The following STAG2 variants were observed in gnomAD, a reference collection of about 807,000 sequenced individuals.
STAG2 encodes the protein STAG2 cohesin complex component, also known as cohesin subunit SA-2.
Under a neutral mutation model 108.1 loss-of-function variants are expected in STAG2, and 14 were observed. The observed-to-expected ratio is 0.13, with a 90% CI of 0.09 to 0.20. STAG2 has a LOEUF of 0.20. STAG2 is among the 10% of genes least tolerant of loss of function. STAG2 has a pLI of 1.00. For missense variants in STAG2, 440 were observed against 940.9 expected (o/e 0.47, Z 6.96); for synonymous variants, 307 against 302.7 (o/e 1.01, Z -0.15).
At chrX:124,055,676 ACAT>A (rs1175510502) in intron 13 of STAG2, among the ~76,000 whole-genome samples, 1 of 80,256 alleles carries the variant, frequency 1.2e-5, no homozygotes, top group Non-Finnish European at 2.5e-5. Context: ...GGTGTTCAGT[ACAT>A]GGTGGATGAA....
rs2148490075 is a variant in STAG2, at chrX:124,090,927, A to G, written c.3541A>G (p.Ser1181Gly). 8.3e-7 allele frequency: 1 copy of G among 1,210,267 alleles called. No homozygotes were observed. The highest frequency in any genetic ancestry group is 1.1e-6 in the Non-Finnish European group (1 of 894,339). The change falls in exon 32 of 35, where the codon AGC (serine) becomes GGC (glycine). Residue 1181 changes from serine (S) to glycine (G), a missense_variant. Ser to Gly is a moderately conservative substitution (Grantham distance 56, BLOSUM62 0). Transcript: ENST00000371145. ...GCAACAGCAGGAGAGAGCAGCAATG[A>G]GCTATGTTAAACTGCGAACTAATCT... ...ARQQQERAAM[S>G]YVKLRTNLQH...
intron 1 of STAG2, among the ~76,000 whole-genome samples, chrX:124,006,245 C>T (rs1232519895): frequency 5.4e-5 from 6 of 110,573 alleles, no homozygotes; most frequent in Middle Eastern, 4.7e-3. Context: ...CATGTTTTTA[C>T]GTAGACATAG....
chrX:124,064,768 A>C (rs1044892179), intron 20 of STAG2, among the ~76,000 whole-genome samples: 1 of 111,165 alleles, frequency 9.0e-6, no homozygotes. Flanking sequence ...TAAAACTTTA[A>C]TAAGTTATTA....
At chrX:124,052,207 A>AT (rs776064390) in intron 13 of STAG2, among the ~76,000 whole-genome samples, 1 of 111,952 alleles carries the variant, frequency 8.9e-6, no homozygotes, top group East Asian at 2.8e-4. Context: ...CATTTTAACC[A>AT]TTTTAAAGTA....
chrX:124,045,092 G>T, intron 7 of STAG2, 72 bp from the exon 8 acceptor site: 1 of 899,148 alleles, frequency 1.1e-6, no homozygotes, highest in Non-Finnish European at 1.6e-6. Context: ...TTTGTCTAGG[G>T]TATTTCAAAA....
intron 27 of STAG2, among the ~76,000 whole-genome samples, chrX:124,078,895 G>A (rs1055286285): frequency 9.2e-6 from 1 of 108,732 alleles, no homozygotes; most frequent in East Asian, 3.0e-4. Flanking sequence ...CTTGAACCTC[G>A]TAGGTGGAGG....
chrX:124,050,169 T>C lies in STAG2; in HGVS notation c.894-17T>C. On this transcript the variant is annotated splice_polypyrimidine_tract_variant and intron_variant, in intron 10 of 34. Transcript: ENST00000371145. ...TATTGGCACTAATTATGCATCGTTT[T>C]TCCTTCCCCCATTCAGTGATGCGAT... 8.3e-7 allele frequency: 1 copy of C among 1,206,411 alleles called. No individual in the cohort carries two copies. The highest frequency in any genetic ancestry group is 1.1e-6 in the Non-Finnish European group (1 of 893,092).
intron 30 of STAG2, among the ~76,000 whole-genome samples, chrX:124,087,860 G>T (rs2059144595): frequency 8.9e-6 from 1 of 111,859 alleles, no homozygotes; most frequent in African/African-American, 3.3e-5. Context: ...AAACTTGATT[G>T]TCCTATGAAT....
chrX:123,995,300 G>T (rs892137580), intron 1 of STAG2, among the ~76,000 whole-genome samples: 1 of 112,098 alleles, frequency 8.9e-6, no homozygotes, highest in African/African-American at 3.2e-5. Flanking sequence ...CAACGAATCC[G>T]TTTTAGCAGG....
chrX:124,018,495 C>CGGAT (rs1224358321), intron 1 of STAG2, among the ~76,000 whole-genome samples: 9 of 109,870 alleles, frequency 8.2e-5, no homozygotes, highest in Admixed American at 3.9e-4. Context: ...GACAGACGGA[C>CGGAT]GGATGGATGG....
At chrX:124,054,481 T>C (rs573162212) in intron 13 of STAG2, among the ~76,000 whole-genome samples, 2 of 112,046 alleles carry the variant, frequency 1.8e-5, no homozygotes, top group African/African-American at 6.5e-5. Context: ...AAATCATAAA[T>C]GTTATACACA....
chrX:123,983,980 T>C (rs777760777), intron 1 of STAG2, among the ~76,000 whole-genome samples: 70 of 65,971 alleles, frequency 1.1e-3, no homozygotes, highest in African/African-American at 3.4e-3. Flanking sequence ...TTTTCTTTTT[T>C]TTTTTTTTTT....
intron 25 of STAG2, among the ~76,000 whole-genome samples, chrX:124,073,725 A>G (rs2148392252): frequency 8.9e-6 from 1 of 111,746 alleles, no homozygotes; most frequent in East Asian, 2.8e-4. Context: ...ACCTGGCACT[A>G]TTTTCACTTT....
At chrX:124,085,792 AAAAAG>A (rs2059089527) in intron 29 of STAG2, among the ~76,000 whole-genome samples, 1 of 109,093 alleles carries the variant, frequency 9.2e-6, no homozygotes, top group Non-Finnish European at 1.9e-5. Context: ...AAAAAAAAAA[AAAAAG>A]AGAAAGGCAC....
chrX:124,095,564 G>A (rs1246355008), intron 34 of STAG2, 115 bp downstream of exon 34: 2 of 548,936 alleles, frequency 3.6e-6, no homozygotes, highest in Non-Finnish European at 6.1e-6. Context: ...ACAGCTGGAT[G>A]TGAGAAAAAG....
At chrX:124,012,812 G>A (rs1448305578) in intron 1 of STAG2, among the ~76,000 whole-genome samples, 1 of 111,558 alleles carries the variant, frequency 9.0e-6, no homozygotes, top group African/African-American at 3.3e-5. Flanking sequence ...CTACTGAATT[G>A]TTTTTTGGCT....
intron 1 of STAG2, among the ~76,000 whole-genome samples, chrX:123,981,703 A>G (rs1167552795): frequency 3.6e-5 from 4 of 111,324 alleles, no homozygotes; most frequent in African/African-American, 1.3e-4. Context: ...TTGCTCCACA[A>G]ATATTTGAGT....
intron 34 of STAG2, chrX:124,097,690 G>A (rs2059418502): frequency 2.9e-6 from 1 of 342,057 alleles, no homozygotes; most frequent in South Asian, 2.6e-5. Flanking sequence ...TGTGAGAAAG[G>A]TAATGGGAAT....
chrX:124,089,253 C>T (rs1353125896), intron 30 of STAG2, among the ~76,000 whole-genome samples: 1 of 111,779 alleles, frequency 8.9e-6, no homozygotes, highest in Non-Finnish European at 1.9e-5. Context: ...TCTAAATTCA[C>T]AATCAAAAAG....
Sources: allele counts gnomAD v4.1 joint callset (sites outside exome capture counted in the v4.1 genomes callset), GRCh38; gene constraint gnomAD v4.1.1; transcripts MANE v1.5; gene names NCBI Gene and HGNC (gene_info 2026-07-23, HGNC 2026-07-21).